Variants in FBXO38 observed in about 807,000 individuals in gnomAD.
FBXO38 encodes the protein F-box protein 38, also known as F-box only protein 38.
FBXO38 carries 53 observed loss-of-function variants against 131.9 expected under a neutral mutation model. That is an observed-to-expected ratio of 0.40 (90% CI 0.32 to 0.51). FBXO38 has a LOEUF of 0.51. Ranked by LOEUF, FBXO38 falls within the 20% of genes least tolerant of loss-of-function variation. The pLI is 0.53. For synonymous variants in FBXO38, 452 were observed against 505.6 expected, an observed-to-expected ratio of 0.89 and a Z score of 1.42; for missense variants, 1,076 against 1,475.6, an observed-to-expected ratio of 0.73 and a Z score of 4.44.
At position 148,418,677 on chromosome 5, in the gene FBXO38, C is replaced by T. The variant is rs143313727; in HGVS notation, c.1618+1473C>T. Among the ~76,000 whole-genome samples, 464 of 152,294 alleles carry T rather than the reference C, an allele frequency of 3.0e-3. 4 individuals carry two copies. The highest frequency in any genetic ancestry group is 0.01 in the African/African-American group (422 of 41,554). ...CTATAAAGATCTGCACTTCAGAGGA[C>T]ATGGACTGTACGTGGGAAACTTACA... On this transcript the variant is annotated intron_variant, in intron 12 of 21. Coordinates refer to ENST00000340253, the MANE Select transcript of FBXO38 (RefSeq NM_205836.3).
chr5:148,428,883 T>C (rs1297656206), intron 15 of FBXO38, among the ~76,000 whole-genome samples: 1 of 152,234 alleles, frequency 6.6e-6, no homozygotes, highest in African/African-American at 2.4e-5. Flanking sequence ...ATTTGAAGAC[T>C]TTTTTATGCT....
chr5:148,440,331 CTG>C (rs1441127994), intron 19 of FBXO38, 91 bp from the exon 20 acceptor site: 5 of 747,866 alleles, frequency 6.7e-6, no homozygotes, highest in East Asian at 2.6e-5. Context: ...TCGGTAGAAT[CTG>C]TGTCCGAAAC....
intron 15 of FBXO38, chr5:148,430,691 A>G (rs1413279065): frequency 2.0e-5 from 3 of 152,158 alleles, no homozygotes; most frequent in Non-Finnish European, 2.9e-5. Context: ...TAAAGGAAGA[A>G]ACTTGAATGT....
In FBXO38 at chr5:148,424,083, A is replaced by C; in HGVS notation, c.1704A>C (p.Ala568=). The part of the protein sequence containing the change: ...SGNNTPAHSQ[A]IIPVDVDEEQ... The stretch of plus-strand genomic sequence containing the variant: ...ATAATACTCCAGCTCACAGCCAGGC[A>C]ATTATTCCTGTGGATGTTGATGAGG... The change falls in exon 13 of 22, where the codon GCA becomes GCC. Residue 568 remains alanine, a synonymous_variant. Transcript: ENST00000340253. 6.2e-7 allele frequency: 1 copy of C among 1,613,670 alleles called. No homozygotes were observed. Among genetic ancestry groups the C allele is most frequent in the Non-Finnish European group, 8.5e-7 (1 of 1,179,700 alleles).
chr5:148,421,470 T>C (rs922559860), intron 12 of FBXO38, among the ~76,000 whole-genome samples: 7 of 152,178 alleles, frequency 4.6e-5, no homozygotes, highest in African/African-American at 1.7e-4. Context: ...TGATAATAAA[T>C]TTCTATTAAT....
At chr5:148,410,501 C>G in intron 8 of FBXO38, 134 bp from the exon 9 acceptor site, 1 of 1,108,394 alleles carries the variant, frequency 9.0e-7, no homozygotes. Flanking sequence ...TCCATTAAAA[C>G]CTCTTTTTCT....
At chr5:148,401,916 G>A (rs907875428) in intron 3 of FBXO38, 66 bp from the exon 4 acceptor site, 6 of 1,440,558 alleles carry the variant, frequency 4.2e-6, no homozygotes, top group East Asian at 2.3e-5. Context: ...TAAAAATCAC[G>A]AGTGCCTAGT....
intron 1 of FBXO38, among the ~76,000 whole-genome samples, chr5:148,392,581 T>TGTGTGTG (rs1758253834): frequency 1.4e-5 from 2 of 141,856 alleles, no homozygotes; most frequent in African/African-American, 5.4e-5. Context: ...TTGCTTTTCT[T>TGTGTGTG]TGTGTGTGTG....
rs762335815 is a variant in FBXO38 at position 148,416,061 on chromosome 5, A to G, written c.1398A>G (p.Glu466=). 9.4e-6 allele frequency: 15 copies of G among 1,598,702 alleles called. No individual in the cohort carries two copies. In the African/African-American group the frequency reaches 1.8e-4, roughly 19 times the overall value. The change falls in exon 11 of 22, where the codon GAA becomes GAG. Residue 466 remains glutamate (E), a synonymous_variant. Transcript: ENST00000340253. ...TTTCACTGGATCAGATGTTTCGTGA[A>G]CCACCCAAGGTAAGATACATTTGAG... The part of the protein sequence containing the change: ...EFISLDQMFR[E]PPKGCARVGL...
intron 21 of FBXO38, 31 bp downstream of exon 21, chr5:148,441,268 CTAGTT>C: frequency 6.7e-7 from 1 of 1,496,882 alleles, no homozygotes; most frequent in Non-Finnish European, 9.3e-7. Context: ...CATCTATTCT[CTAGTT>C]TAAGTATAGC....
chr5:148,413,225 T>G (rs1452242887), intron 9 of FBXO38: 1 of 152,138 alleles, frequency 6.6e-6, no homozygotes, highest in Non-Finnish European at 1.5e-5. Flanking sequence ...GGAGAAAGAC[T>G]GTCAACTATA....
rs1561517390 is a variant in FBXO38, at chr5:148,399,148, CTG to C, written c.262+19_262+20del. ...ATGCCAAGTGGTAAGTGGATTTAGT[CTG>C]TGAAGTACAGTAGTGTCCTACTGGA... On this transcript the variant is annotated intron_variant, in intron 3 of 21. Coordinates refer to ENST00000340253, the MANE Select transcript of FBXO38 (RefSeq NM_205836.3). 1.9e-6 allele frequency: 3 copies of C among 1,612,394 alleles called. No individual in the cohort carries two copies. The highest frequency in any genetic ancestry group is 2.5e-6 in the Non-Finnish European group (3 of 1,179,102).
chr5:148,413,891 A>T, intron 9 of FBXO38: 1 of 351,078 alleles, frequency 2.8e-6, no homozygotes, highest in Middle Eastern at 7.6e-4. Context: ...TTCTCTAAAC[A>T]ATTGGAAATA....
At chr5:148,431,770 A>C (rs1325857799) in intron 15 of FBXO38, among the ~76,000 whole-genome samples, 1 of 152,196 alleles carries the variant, frequency 6.6e-6, no homozygotes, top group Non-Finnish European at 1.5e-5. Context: ...CTGTGGGAGA[A>C]GGCCTACGTT....
rs1752601122 is a variant in FBXO38, at chr5:148,409,126, G to A, written c.871G>A (p.Gly291Ser). 1.9e-6 allele frequency: 3 copies of A among 1,603,200 alleles called. No homozygotes were observed. Among genetic ancestry groups the A allele is most frequent in the Non-Finnish European group, 2.6e-6 (3 of 1,170,332 alleles). ...TTGTTTTTGTTCCTCGTCTTTAGGT[G>A]GTTTTAGAAATTTGCACACTATTGT... ...HVVEDSWRSG[G>S]FRNLHTIVLG... Residue 291 changes from glycine to serine, a missense_variant and splice_region_variant, in exon 8 of 22, where the codon GGT becomes AGT. Coordinates refer to ENST00000340253, the MANE Select transcript of FBXO38 (RefSeq NM_205836.3).
At chr5:148,390,821 C>A (rs1758160476) in intron 1 of FBXO38, among the ~76,000 whole-genome samples, 1 of 151,776 alleles carries the variant, frequency 6.6e-6, no homozygotes, top group African/African-American at 2.4e-5. Context: ...ATTGCAGAAT[C>A]CTAAGGAACA....
At chr5:148,441,378 A>C (rs185682346) in intron 21 of FBXO38, 141 bp downstream of exon 21, 3 of 642,416 alleles carry the variant, frequency 4.7e-6, no homozygotes, top group Non-Finnish European at 5.3e-6. Context: ...ACTCACTTCA[A>C]AACAGTTCTT....
chr5:148,417,735 T>C (rs1356908787), intron 12 of FBXO38, among the ~76,000 whole-genome samples: 1 of 152,198 alleles, frequency 6.6e-6, no homozygotes, highest in African/African-American at 2.4e-5. Context: ...TTCATTAATA[T>C]ATATTGAATA....
chr5:148,438,715 C>T (rs1159287702), intron 18 of FBXO38, among the ~76,000 whole-genome samples: 3 of 152,160 alleles, frequency 2.0e-5, no homozygotes, highest in African/African-American at 7.2e-5. Context: ...AGAGCACAGT[C>T]TCTGGTTCAG....
Sources: allele counts gnomAD v4.1 joint callset (sites outside exome capture counted in the v4.1 genomes callset), GRCh38; gene constraint gnomAD v4.1.1; transcripts MANE v1.5; gene names NCBI Gene and HGNC (gene_info 2026-07-23, HGNC 2026-07-21).